Variants in FAM227A observed in about 807,000 individuals in gnomAD.
FAM227A encodes protein FAM227A.
A neutral mutation model predicts 74.7 loss-of-function variants in FAM227A; 80 were observed. The ratio of observed to expected loss-of-function variants is 1.07; its 90% CI spans 0.89 to 1.29. FAM227A has a LOEUF of 1.29. FAM227A is among the 50% of genes most tolerant of loss of function. The pLI is 0.00. For synonymous variants in FAM227A, 237 were observed against 241.8 expected, an observed-to-expected ratio of 0.98 and a Z score of 0.19; for missense variants, 654 against 683.4, an observed-to-expected ratio of 0.96 and a Z score of 0.48.
chr22:38,636,526 C>T lies in FAM227A; in HGVS notation c.444G>A (p.Lys148=). Residue 148 remains lysine (K), a synonymous_variant, in exon 6 of 17, where the codon AAG becomes AAA. Transcript: ENST00000535113. ...YSNFNSSKPN[K]LPNGVDFCDM... is the part of the protein sequence containing the mutation. The stretch of plus-strand genomic sequence containing the variant: ...CACAGAAGTCCACGCCATTCGGAAG[C>T]TTGTTTGGCTTGGAGCTGTTGAAGT... 1 of 1,551,684 alleles carries T rather than the reference C, an allele frequency of 6.4e-7. No homozygotes were observed. The highest frequency in any genetic ancestry group is 8.7e-7 in the Non-Finnish European group (1 of 1,146,980).
In FAM227A at chr22:38,590,661, T is replaced by C. The variant is rs371425072; in HGVS notation, c.1638+774A>G. The stretch of plus-strand genomic sequence containing the variant: ...CATGCAACCAAGGAGCTCTGTCTCA[T>C]ACAGTTCATGAAGTACATAGGCCAA... On this transcript the variant is annotated intron_variant, in intron 16 of 16. Coordinates refer to ENST00000535113, the MANE Select transcript of FAM227A (RefSeq NM_001013647.2). 2.6e-5 allele frequency among the ~76,000 whole-genome samples: 4 copies of C among 152,320 alleles called. No individual in the cohort carries two copies. The South Asian group carries it at 8.3e-4, about 32-fold the overall frequency.
chr22:38,598,190 T>C (rs2091091753), intron 14 of FAM227A, among the ~76,000 whole-genome samples: 1 of 152,188 alleles, frequency 6.6e-6, no homozygotes, highest in South Asian at 2.1e-4. Flanking sequence ...TTTCCATATC[T>C]GTAAAACAGA....
chr22:38,626,784 G>A (rs1320415427), intron 8 of FAM227A, among the ~76,000 whole-genome samples: 2 of 137,950 alleles, frequency 1.4e-5, no homozygotes, highest in African/African-American at 5.5e-5. Flanking sequence ...TGAGGCAGGA[G>A]AAGCACTTGA....
intron 5 of FAM227A, among the ~76,000 whole-genome samples, chr22:38,637,015 T>G (rs923676505): frequency 5.3e-5 from 8 of 152,100 alleles, no homozygotes; most frequent in Admixed American, 2.0e-4. Flanking sequence ...TGACATCAGG[T>G]GATCCACCTG....
rs960897084 is a variant in FAM227A at position 38,580,849 on chromosome 22, G to C, written c.*5276C>G. 6 of 152,182 alleles carry C rather than the reference G, an allele frequency of 3.9e-5. No homozygotes were observed. Among genetic ancestry groups the C allele is most frequent in the African/African-American group, 1.4e-4 (6 of 41,442 alleles). The allele number at this position is 152,182 out of a possible 1,614,324, so 9.4% of individuals were successfully genotyped here. A position where few individuals can be genotyped will look rare whatever the true frequency, so the allele number is the denominator to read the frequency against. ...GCTGGAGTGCAGTGGTGCGATCTCA[G>C]CTCACTGTAACCTCCGCCTCCCAAG... On this transcript the variant is annotated 3_prime_UTR_variant, in exon 17 of 17. Coordinates refer to ENST00000535113, the MANE Select transcript of FAM227A (RefSeq NM_001013647.2).
At chr22:38,614,479 G>GAAAGTA (rs1465745701) in intron 11 of FAM227A, among the ~76,000 whole-genome samples, 1 of 152,144 alleles carries the variant, frequency 6.6e-6, no homozygotes, top group East Asian at 1.9e-4. Flanking sequence ...ACCAGAGATG[G>GAAAGTA]AAAGTAATTG....
At chr22:38,648,053 G>C (rs2092268725) in intron 2 of FAM227A, among the ~76,000 whole-genome samples, 1 of 152,130 alleles carries the variant, frequency 6.6e-6, no homozygotes, top group Admixed American at 6.6e-5. Context: ...AGGTAAATGA[G>C]CTCCACAGGA....
chr22:38,642,674 G>A (rs985268809), intron 3 of FAM227A, among the ~76,000 whole-genome samples: 6 of 152,234 alleles, frequency 3.9e-5, no homozygotes, highest in Admixed American at 1.3e-4. Context: ...GGTGGCTCAC[G>A]CCTGTAATCC....
intron 6 of FAM227A, among the ~76,000 whole-genome samples, chr22:38,631,347 G>C (rs1177470809): frequency 6.6e-6 from 1 of 151,950 alleles, no homozygotes; most frequent in African/African-American, 2.4e-5. Flanking sequence ...GGGTACGCGT[G>C]GACATAAAGA....
intron 3 of FAM227A, among the ~76,000 whole-genome samples, chr22:38,640,927 G>A (rs190384671): frequency 1.3e-5 from 2 of 151,914 alleles, no homozygotes; most frequent in Non-Finnish European, 2.9e-5. Flanking sequence ...TGCCAGTGGT[G>A]GGGGGGCGGT....
intron 9 of FAM227A, among the ~76,000 whole-genome samples, chr22:38,624,927 ATCT>A (rs1421974838): frequency 6.6e-6 from 1 of 152,204 alleles, no homozygotes; most frequent in African/African-American, 2.4e-5. Flanking sequence ...CTTCTAGCAA[ATCT>A]TCTAACATGG....
At chr22:38,605,607 G>C (rs573480875) in intron 12 of FAM227A, among the ~76,000 whole-genome samples, 1 of 152,288 alleles carries the variant, frequency 6.6e-6, no homozygotes, top group African/African-American at 2.4e-5. Context: ...TGTTTAGAGG[G>C]AAGTCTCTAG....
intron 3 of FAM227A, among the ~76,000 whole-genome samples, chr22:38,641,948 GGT>G (rs3042708): frequency 0.059 from 8,632 of 145,368 alleles, 338 homozygotes; most frequent in African/African-American, 0.11. Flanking sequence ...CTCCCGAAAA[GGT>G]GTGTGTGTGT....
intron 11 of FAM227A, 125 bp from the exon 12 acceptor site, chr22:38,607,601 A>G (rs983530816): frequency 3.9e-5 from 28 of 715,578 alleles, no homozygotes; most frequent in Non-Finnish European, 6.5e-5. Flanking sequence ...TACTGTTCTC[A>G]GCAAAGGAAC....
At chr22:38,610,461 C>G (rs1405299799) in intron 11 of FAM227A, among the ~76,000 whole-genome samples, 1 of 152,312 alleles carries the variant, frequency 6.6e-6, no homozygotes, top group South Asian at 2.1e-4. Context: ...GCAGAGAGAG[C>G]TCAGACTGAC....
At chr22:38,593,200 T>C (rs546186438) in intron 15 of FAM227A, among the ~76,000 whole-genome samples, 1 of 152,268 alleles carries the variant, frequency 6.6e-6, no homozygotes, top group Admixed American at 6.5e-5. Context: ...GACAATGAAC[T>C]ACAGAATAAA....
chr22:38,603,495 A>AC (rs2091220291), intron 13 of FAM227A, among the ~76,000 whole-genome samples: 2 of 151,866 alleles, frequency 1.3e-5, no homozygotes, highest in South Asian at 4.2e-4. Context: ...CTCAAAAAAA[A>AC]AAAAAAAAAT....
At chr22:38,632,643 C>T (rs971860125) in intron 6 of FAM227A, among the ~76,000 whole-genome samples, 5 of 151,954 alleles carry the variant, frequency 3.3e-5, no homozygotes, top group Non-Finnish European at 5.9e-5. Flanking sequence ...CAGAGAGAGA[C>T]GACAGAGAGT....
intron 3 of FAM227A, 120 bp downstream of exon 3, chr22:38,645,443 C>G: frequency 3.1e-6 from 2 of 646,000 alleles, no homozygotes; most frequent in Non-Finnish European, 5.4e-6. Flanking sequence ...TTTGAATACT[C>G]AATTGTGTAA....
Sources: gnomAD v4.1 joint callset for allele counts (sites outside exome capture counted in the v4.1 genomes callset) on GRCh38, gnomAD v4.1.1 for gene constraint, MANE v1.5 for transcripts, NCBI Gene and HGNC (gene_info 2026-07-23, HGNC 2026-07-21) for gene names.